Variants in SLC37A3 observed in about 807,000 individuals in gnomAD.
SLC37A3 encodes sugar phosphate exchanger 3.
In SLC37A3, 51 loss-of-function variants were observed where a neutral mutation model predicts 67.1. That is an observed-to-expected ratio of 0.76 (90% CI 0.61 to 0.96). SLC37A3 has a LOEUF of 0.96. Ranked by LOEUF, SLC37A3 falls within the 40% of genes least tolerant of loss-of-function variation. The pLI is 0.00. For missense variants in SLC37A3, 508 were observed against 603.0 expected (o/e 0.84, Z 1.65); for synonymous variants, 214 against 231.4 (o/e 0.92, Z 0.68).
At chr7:140,369,828 T>A (rs1797750050) in intron 3 of SLC37A3, 146 bp from the exon 4 acceptor site, 1 of 655,384 alleles carries the variant, frequency 1.5e-6, no homozygotes, top group Non-Finnish European at 2.6e-6. Flanking sequence ...ATAACTAGTA[T>A]AGCCGGGCAC....
At chr7:140,337,155 T>TA in intron 14 of SLC37A3, 129 bp downstream of exon 14, 1 of 463,090 alleles carries the variant, frequency 2.2e-6, no homozygotes. Context: ...TTTAGACTAA[T>TA]AAAATGTTAC....
At chr7:140,355,953 G>C in intron 6 of SLC37A3, among the ~76,000 whole-genome samples, 189 bp from the exon 7 acceptor site, 1 of 152,166 alleles carries the variant, frequency 6.6e-6, no homozygotes, top group East Asian at 1.9e-4. Context: ...CCAGTACTTT[G>C]GGAGGCCAAG....
chr7:140,355,297 C>T (rs537921146), intron 7 of SLC37A3, among the ~76,000 whole-genome samples: 15 of 152,078 alleles, frequency 9.9e-5, no homozygotes, highest in African/African-American at 2.4e-4. Context: ...CTGCAACCTC[C>T]GCCTCGTGGG....
intron 6 of SLC37A3, among the ~76,000 whole-genome samples, chr7:140,358,124 A>G (rs1032742523): frequency 2.0e-5 from 3 of 152,030 alleles, no homozygotes; most frequent in African/African-American, 2.4e-5. Context: ...GGGAAAAAAT[A>G]CCCCATTTGA....
intron 3 of SLC37A3, among the ~76,000 whole-genome samples, chr7:140,378,208 T>C (rs981384974): frequency 2.6e-5 from 4 of 152,230 alleles, no homozygotes; most frequent in African/African-American, 9.6e-5. Context: ...GTCACTAAAC[T>C]ACAGCTGAAG....
intron 1 of SLC37A3, among the ~76,000 whole-genome samples, chr7:140,387,771 T>TTATATATAAATATAAATATATATATTA (rs1236831890): frequency 1.5e-5 from 1 of 67,512 alleles, no homozygotes; most frequent in South Asian, 3.9e-4. Flanking sequence ...ATTATATATA[T>TTATATATAAATATAAATATATATATTA]TATACATAAA....
At chr7:140,335,981 G>A (rs1330971675) in intron 14 of SLC37A3, among the ~76,000 whole-genome samples, 2 of 152,198 alleles carry the variant, frequency 1.3e-5, no homozygotes, top group Non-Finnish European at 2.9e-5. Context: ...GGACTATCCT[G>A]GGGCTCCTTG....
rs1798203205 is a variant in SLC37A3 at position 140,380,354 on chromosome 7, G to A, written c.126C>T (p.Ser42=). ...GCTCAGAGATACTGACTTTGACATTGCTAAATGTTTTTCGTGAAGCATGGA... is the reference window on the plus strand; with the variant it reads ...GCTCAGAGATACTGACTTTGACATTACTAAATGTTTTTCGTGAAGCATGGA... ...SLLHASRKTF[S]NVKVSISEQW... The change falls in exon 3 of 15, where the codon AGC becomes AGT. Residue 42 remains serine, a synonymous_variant. Transcript: ENST00000326232. The A allele has an allele frequency of 5.0e-6, 8 of 1,613,290 alleles. No homozygotes were observed. Among genetic ancestry groups the A allele is most frequent in the African/African-American group, 1.3e-5 (1 of 75,028 alleles).
chr7:140,361,113 G>A (rs1488779522), intron 5 of SLC37A3, among the ~76,000 whole-genome samples: 2 of 152,110 alleles, frequency 1.3e-5, no homozygotes, highest in African/African-American at 2.4e-5. Context: ...GAGACTGTGA[G>A]TTAGACTATG....
In SLC37A3 at chr7:140,398,510, C is replaced by G. The variant is rs549053836; in HGVS notation, c.-165G>C. 6.6e-6 allele frequency: 1 copy of G among 152,278 alleles called. No homozygotes were observed. The highest frequency in any genetic ancestry group is 2.1e-4 in the South Asian group (1 of 4,822). The allele number at this position is 152,278 out of a possible 1,614,324, so 9.4% of individuals were successfully genotyped here. The stretch of plus-strand genomic sequence containing the variant: ...CGCCTCCCCCGCCGCCAGCTCACCC[C>G]TGGCGGTGCGACCAGGGTTTCCGGA... On this transcript the variant is annotated 5_prime_UTR_variant, in exon 1 of 15. Transcript: ENST00000326232.
chr7:140,357,171 G>A (rs757677123), intron 6 of SLC37A3, among the ~76,000 whole-genome samples: 10 of 151,882 alleles, frequency 6.6e-5, no homozygotes, highest in Non-Finnish European at 8.8e-5. Context: ...CCGAGATCAC[G>A]CCATTGCACT....
chr7:140,350,525 G>T (rs1354380833), intron 9 of SLC37A3, among the ~76,000 whole-genome samples: 2 of 152,026 alleles, frequency 1.3e-5, no homozygotes, highest in African/African-American at 4.8e-5. Context: ...AGCATTCTGG[G>T]AGGCCAAAGT....
intron 4 of SLC37A3, among the ~76,000 whole-genome samples, chr7:140,364,719 A>C (rs1797530782): frequency 6.6e-6 from 1 of 150,936 alleles, no homozygotes; most frequent in Non-Finnish European, 1.5e-5. Flanking sequence ...TGAAAATAGA[A>C]GGAAAAAAAT....
At chr7:140,349,374 C>G (rs185277977) in intron 9 of SLC37A3, among the ~76,000 whole-genome samples, 75 of 152,346 alleles carry the variant, frequency 4.9e-4, no homozygotes, top group African/African-American at 1.7e-3. Context: ...AGAAGAGAGT[C>G]TCTCTGGCGA....
At chr7:140,335,627 T>C (rs1796104612) in intron 14 of SLC37A3, 123 bp from the exon 15 acceptor site, 1 of 1,191,594 alleles carries the variant, frequency 8.4e-7, no homozygotes, top group Admixed American at 2.4e-5. Flanking sequence ...AAGATAATGT[T>C]TAATCTTCAA....
chr7:140,396,906 T>TGACAGAGTC (rs1798954570), intron 1 of SLC37A3, among the ~76,000 whole-genome samples: 1 of 148,044 alleles, frequency 6.8e-6, no homozygotes, highest in African/African-American at 2.5e-5. Flanking sequence ...TTTTTTTTTT[T>TGACAGAGTC]TGACAGAGTC....
intron 1 of SLC37A3, among the ~76,000 whole-genome samples, chr7:140,384,638 G>C (rs1453541311): frequency 6.6e-6 from 1 of 152,070 alleles, no homozygotes; most frequent in Non-Finnish European, 1.5e-5. Flanking sequence ...AGGATTGCTT[G>C]AGCCCAGGGG....
chr7:140,343,479 C>T lies in SLC37A3; in HGVS notation c.1259G>A (p.Ser420Asn), dbSNP rs371118386. The T allele has an allele frequency of 6.7e-4, 1,083 of 1,614,144 alleles. 15 individuals carry two copies. The South Asian group carries it at 0.011, about 17-fold the overall frequency. ...LGRQELIQRS[S>N]EALATVTGIV... ...TCCTGTGACAGTGGCCAAAGCTTCA[C>T]TGCTCCTTTGGATGAGCTCCTGGCG... Residue 420 changes from serine (S) to asparagine (N), a missense_variant, in exon 13 of 15, where the codon AGT becomes AAT. Ser to Asn is a conservative substitution (Grantham distance 46, BLOSUM62 1). Transcript: ENST00000326232.
At chr7:140,365,475 C>T (rs1797560566) in intron 4 of SLC37A3, among the ~76,000 whole-genome samples, 1 of 151,784 alleles carries the variant, frequency 6.6e-6, no homozygotes, top group Non-Finnish European at 1.5e-5. Context: ...AATCCCAGCA[C>T]TTTGGGAGGC....
Sources: gnomAD v4.1 joint callset for allele counts (sites outside exome capture counted in the v4.1 genomes callset) on GRCh38, gnomAD v4.1.1 for gene constraint, MANE v1.5 for transcripts, NCBI Gene and HGNC (gene_info 2026-07-23, HGNC 2026-07-21) for gene names.